The following CTNNA3 variants were observed in gnomAD, a reference collection of about 807,000 sequenced individuals.
CTNNA3 encodes catenin alpha 3.
Under a neutral mutation model 95.7 loss-of-function variants are expected in CTNNA3, and 76 were observed. That is an observed-to-expected ratio of 0.79 (90% CI 0.66 to 0.96). The LOEUF is 0.96. Among genes scored for constraint, CTNNA3 ranks in the 40% least tolerant of loss-of-function variants. CTNNA3 has a pLI of 0.00. For synonymous variants in CTNNA3, 431 were observed against 374.4 expected (o/e 1.15, Z -1.74); for missense variants, 1,191 against 1,089.8 (o/e 1.09, Z -1.31).
At chr10:66,741,703 A>G (rs994144471) in intron 9 of CTNNA3, among the ~76,000 whole-genome samples, 5 of 152,250 alleles carry the variant, frequency 3.3e-5, no homozygotes, top group Admixed American at 3.3e-4. Flanking sequence ...GCAGAAGAAC[A>G]TAAATTGTGA....
At chr10:66,164,899 A>T (rs1036503353) in intron 13 of CTNNA3, among the ~76,000 whole-genome samples, 1 of 152,150 alleles carries the variant, frequency 6.6e-6, no homozygotes, top group Non-Finnish European at 1.5e-5. Flanking sequence ...TTTTAAATGA[A>T]TCTTCTGTAG....
At position 66,409,711 on chromosome 10, in the gene CTNNA3, T is replaced by G. The variant is rs926360182; in HGVS notation, c.1532-30359A>C. On this transcript the variant is annotated intron_variant, in intron 11 of 17. Coordinates refer to ENST00000433211, the MANE Select transcript of CTNNA3 (RefSeq NM_013266.4). Reference sequence around the variant, plus strand: ...CTAAAGAGACATTTAGTTTATGTATTAAACACAAAACAAGACAGGATCGAT... The same window carrying G: ...CTAAAGAGACATTTAGTTTATGTATGAAACACAAAACAAGACAGGATCGAT... Among the ~76,000 whole-genome samples, 7 of 152,302 alleles carry G rather than the reference T, an allele frequency of 4.6e-5. No homozygotes were observed. The South Asian group carries it at 1.2e-3, about 27-fold the overall frequency.
chr10:66,055,825 A>T (rs2080071751), intron 15 of CTNNA3, among the ~76,000 whole-genome samples: 1 of 150,780 alleles, frequency 6.6e-6, no homozygotes, highest in Admixed American at 6.6e-5. Flanking sequence ...AGGAGGCTGA[A>T]GCAGGAGAAT....
intron 15 of CTNNA3, among the ~76,000 whole-genome samples, chr10:66,024,014 G>A (rs1405855000): frequency 6.7e-6 from 1 of 149,140 alleles, no homozygotes; most frequent in Non-Finnish European, 1.5e-5. Flanking sequence ...CTTCTTGTTA[G>A]AACAATTTGG....
intron 1 of CTNNA3, among the ~76,000 whole-genome samples, chr10:67,669,356 T>C (rs369405375): frequency 1.3e-5 from 2 of 152,146 alleles, no homozygotes; most frequent in South Asian, 2.1e-4. Context: ...AACCTGTCCA[T>C]CCATGTTACA....
At position 66,498,340 on chromosome 10, in the gene CTNNA3, T is replaced by G. The variant is rs1840166102; in HGVS notation, c.1531+22277A>C. On this transcript the variant is annotated intron_variant, in intron 11 of 17. Coordinates refer to ENST00000433211, the MANE Select transcript of CTNNA3 (RefSeq NM_013266.4). ...CACGTGGGTCACTGGCAGATAAACT[T>G]AATATTTACTTACTACCTAAAACAT... Among the ~76,000 whole-genome samples the G allele has an allele frequency of 2.0e-5, 3 of 152,126 alleles. No individual in the cohort carries two copies. In the South Asian group the frequency reaches 6.2e-4, roughly 31 times the overall value.
intron 15 of CTNNA3, among the ~76,000 whole-genome samples, chr10:66,007,315 C>T (rs2078907445): frequency 6.6e-6 from 1 of 151,968 alleles, no homozygotes; most frequent in South Asian, 2.1e-4. Flanking sequence ...TTTTTTTTCT[C>T]TCCATCAGAT....
At chr10:67,359,671 T>C (rs942721452) in intron 5 of CTNNA3, among the ~76,000 whole-genome samples, 3 of 152,102 alleles carry the variant, frequency 2.0e-5, no homozygotes, top group South Asian at 2.1e-4. Flanking sequence ...AAAAAATTTT[T>C]TGATGAACCT....
intron 10 of CTNNA3, among the ~76,000 whole-genome samples, chr10:66,620,980 A>G (rs1314005256): frequency 6.6e-6 from 1 of 152,096 alleles, no homozygotes; most frequent in African/African-American, 2.4e-5. Flanking sequence ...GAGTGTTTAA[A>G]ATTTCTCTAT....
rs1683744938 is a variant in CTNNA3, at chr10:66,644,742, T to TAA, written c.1282-22960_1282-22959dup. On this transcript the variant is annotated intron_variant, in intron 9 of 17. Coordinates refer to ENST00000433211, the MANE Select transcript of CTNNA3 (RefSeq NM_013266.4). The stretch of plus-strand genomic sequence containing the variant: ...TATTTTTCTCCAGTTTTACTTGTAT[T>TAA]AATTTTTCTTAGTGTGGTATGGGTG... Among the ~76,000 whole-genome samples, 6 of 152,210 alleles carry TAA rather than the reference T, an allele frequency of 3.9e-5. No homozygotes were observed. In the South Asian group the frequency reaches 1.2e-3, roughly 32 times the overall value.
At chr10:67,000,424 T>C (rs189215021) in intron 7 of CTNNA3, among the ~76,000 whole-genome samples, 6 of 152,298 alleles carry the variant, frequency 3.9e-5, no homozygotes, top group Admixed American at 3.3e-4. Flanking sequence ...GATCTACTTA[T>C]TGTGATGATG....
At chr10:67,577,382 T>C (rs1174254133) in intron 3 of CTNNA3, among the ~76,000 whole-genome samples, 1 of 152,060 alleles carries the variant, frequency 6.6e-6, no homozygotes, top group Non-Finnish European at 1.5e-5. Flanking sequence ...GGGTTGTTTG[T>C]TTTTTTCTTG....
At chr10:66,081,563 A>G (rs1012313561) in intron 14 of CTNNA3, among the ~76,000 whole-genome samples, 2 of 152,200 alleles carry the variant, frequency 1.3e-5, no homozygotes, top group Admixed American at 1.3e-4. Flanking sequence ...GGTCAGTGAA[A>G]TAAGGTTAAA....
At chr10:66,082,976 G>A (rs10822705) in intron 14 of CTNNA3, among the ~76,000 whole-genome samples, 42,121 of 151,840 alleles carry the variant, frequency 0.28, 6,512 homozygotes, top group South Asian at 0.42. Flanking sequence ...CTCCCAACAC[G>A]GTGCAGCATA....
chr10:65,994,550 C>G (rs962060393), intron 15 of CTNNA3, among the ~76,000 whole-genome samples: 5 of 151,906 alleles, frequency 3.3e-5, no homozygotes, highest in Non-Finnish European at 5.9e-5. Context: ...TTATATTTGA[C>G]TTAACATCAT....
chr10:67,389,165 C>A lies in CTNNA3; in HGVS notation c.579+132677G>T, dbSNP rs535250289. Among the ~76,000 whole-genome samples, 17 of 151,760 alleles carry A rather than the reference C, an allele frequency of 1.1e-4. No homozygotes were observed. In the East Asian group the frequency reaches 3.1e-3, roughly 28 times the overall value. The stretch of plus-strand genomic sequence containing the variant: ...ATCAGTGTGCTGTATTCAGGAAACC[C>A]ATCTCACGTGCAGAGACACACATAG... On this transcript the variant is annotated intron_variant, in intron 5 of 17. Transcript: ENST00000433211.
chr10:67,278,448 G>C (rs925841560), intron 5 of CTNNA3, among the ~76,000 whole-genome samples: 2 of 152,170 alleles, frequency 1.3e-5, no homozygotes, highest in African/African-American at 4.8e-5. Context: ...CAAAGCAGGG[G>C]CTTCCAGGCC....
intron 2 of CTNNA3, among the ~76,000 whole-genome samples, chr10:67,613,576 C>G (rs1843536240): frequency 6.6e-6 from 1 of 152,072 alleles, no homozygotes; most frequent in Admixed American, 6.6e-5. Context: ...TAGTTGGGGT[C>G]TGATCAGTTC....
intron 9 of CTNNA3, among the ~76,000 whole-genome samples, chr10:66,731,716 G>A (rs531441881): frequency 6.6e-6 from 1 of 152,250 alleles, no homozygotes; most frequent in African/African-American, 2.4e-5. Flanking sequence ...ACTTTATCAT[G>A]GTGTATTGCA....
Sources: gnomAD v4.1 joint callset for allele counts (sites outside exome capture counted in the v4.1 genomes callset) on GRCh38, gnomAD v4.1.1 for gene constraint, MANE v1.5 for transcripts, NCBI Gene and HGNC (gene_info 2026-07-23, HGNC 2026-07-21) for gene names.